Variants in ZFHX3 observed in about 807,000 individuals in gnomAD.
The protein encoded by ZFHX3 is zinc finger homeobox protein 3.
In ZFHX3, 42 loss-of-function variants were observed where a neutral mutation model predicts 279.1. The ratio of observed to expected loss-of-function variants is 0.15; its 90% CI spans 0.12 to 0.19. The LOEUF (loss-of-function observed/expected upper bound fraction) is 0.19. ZFHX3 is among the 10% of genes least tolerant of loss of function. ZFHX3 has a pLI of 1.00. For missense variants in ZFHX3, 4,981 were observed against 4,754.0 expected (o/e 1.05, Z -1.40); for synonymous variants, 2,293 against 1,957.8 (o/e 1.17, Z -4.52).
intron 5 of ZFHX3, among the ~76,000 whole-genome samples, chr16:73,249,758 C>T (rs1323061513): frequency 1.4e-5 from 2 of 148,000 alleles, no homozygotes; most frequent in African/African-American, 2.5e-5. Context: ...ATAGTACTGA[C>T]ATATAAGTAA....
intron 2 of ZFHX3, among the ~76,000 whole-genome samples, chr16:73,457,027 A>T (rs1473982423): frequency 6.6e-6 from 1 of 152,230 alleles, no homozygotes; most frequent in Non-Finnish European, 1.5e-5. Flanking sequence ...AAGGAAATCT[A>T]CTGATTACTT....
chr16:72,900,273 G>A (rs1043377900), intron 3 of ZFHX3, among the ~76,000 whole-genome samples: 9 of 152,134 alleles, frequency 5.9e-5, no homozygotes, highest in African/African-American at 2.2e-4. Context: ...AGGGAGGAGA[G>A]TTCGGCTGAA....
At chr16:72,997,101 A>G (rs1458494700) in intron 1 of ZFHX3, among the ~76,000 whole-genome samples, 1 of 152,164 alleles carries the variant, frequency 6.6e-6, no homozygotes, top group African/African-American at 2.4e-5. Context: ...GGAAATCACA[A>G]ACAGAAATCT....
intron 2 of ZFHX3, among the ~76,000 whole-genome samples, chr16:73,510,986 C>G (rs778166254): frequency 1.3e-5 from 2 of 152,238 alleles, no homozygotes; most frequent in Admixed American, 6.5e-5. Flanking sequence ...CAGGTACAAC[C>G]AGACAGGGCT....
At chr16:73,453,128 C>T (rs1396317954) in intron 3 of ZFHX3, among the ~76,000 whole-genome samples, 1 of 146,392 alleles carries the variant, frequency 6.8e-6, no homozygotes, top group Non-Finnish European at 1.5e-5. Context: ...TTACTTATCG[C>T]TGTAACTGGC....
chr16:73,823,917 A>G (rs1567422430), intron 1 of ZFHX3, among the ~76,000 whole-genome samples: 1 of 152,204 alleles, frequency 6.6e-6, no homozygotes, highest in Non-Finnish European at 1.5e-5. Flanking sequence ...AAACATTTTT[A>G]ATGACATCTC....
chr16:73,073,361 T>C (rs1053701627), intron 8 of ZFHX3, among the ~76,000 whole-genome samples: 4 of 152,178 alleles, frequency 2.6e-5, no homozygotes, highest in African/African-American at 9.7e-5. Context: ...CGGTCATAGA[T>C]ATGTCTCTCC....
At chr16:73,863,021 A>G (rs1373030427) in intron 1 of ZFHX3, among the ~76,000 whole-genome samples, 6 of 151,654 alleles carry the variant, frequency 4.0e-5, no homozygotes, top group Non-Finnish European at 8.8e-5. Context: ...CCTGGCCAAC[A>G]TACTGAAACC....
intron 8 of ZFHX3, chr16:73,081,502 G>GCCCATCT (rs1226768709): frequency 6.6e-6 from 1 of 151,928 alleles, no homozygotes; most frequent in Non-Finnish European, 1.5e-5. Flanking sequence ...CAGGTGATCT[G>GCCCATCT]CCCATCTCGA....
intron 5 of ZFHX3, among the ~76,000 whole-genome samples, chr16:73,221,876 A>G (rs1270577823): frequency 1.3e-5 from 2 of 152,192 alleles, no homozygotes; most frequent in Non-Finnish European, 2.9e-5. Context: ...TATACTTTCC[A>G]TACCTTTAAG....
chr16:72,840,716 G>A (rs376852917), intron 4 of ZFHX3, among the ~76,000 whole-genome samples: 15 of 152,312 alleles, frequency 9.8e-5, no homozygotes, highest in African/African-American at 3.6e-4. Context: ...CTTCACCCTT[G>A]CGAAGCACAG....
chr16:72,972,886 T>C (rs991570039), intron 1 of ZFHX3, among the ~76,000 whole-genome samples: 2 of 152,200 alleles, frequency 1.3e-5, no homozygotes, highest in Non-Finnish European at 2.9e-5. Flanking sequence ...TTTCCACTTA[T>C]TCGATAAAAT....
chr16:72,906,814 C>T (rs981212951), intron 3 of ZFHX3, among the ~76,000 whole-genome samples: 1 of 152,004 alleles, frequency 6.6e-6, no homozygotes, highest in Admixed American at 6.6e-5. Flanking sequence ...TTCCCCCCCT[C>T]AAAAAACTAA....
At chr16:73,767,846 C>G (rs1408924922) in intron 1 of ZFHX3, among the ~76,000 whole-genome samples, 1 of 152,146 alleles carries the variant, frequency 6.6e-6, no homozygotes, top group Admixed American at 6.5e-5. Context: ...GTCAGAGCCC[C>G]AGCAGGAAGC....
At chr16:73,692,058 A>G (rs1355880174) in intron 1 of ZFHX3, among the ~76,000 whole-genome samples, 4 of 152,208 alleles carry the variant, frequency 2.6e-5, no homozygotes, top group African/African-American at 7.2e-5. Context: ...TTGCAGATCA[A>G]TGTCACTGCT....
At chr16:73,790,684 GC>G (rs1215888275) in intron 1 of ZFHX3, among the ~76,000 whole-genome samples, 12 of 152,340 alleles carry the variant, frequency 7.9e-5, no homozygotes, top group Admixed American at 7.2e-4. Context: ...GGTGATGGTT[GC>G]CAATCTTCAT....
At chr16:73,777,643 G>T (rs1317334890) in intron 1 of ZFHX3, among the ~76,000 whole-genome samples, 1 of 150,404 alleles carries the variant, frequency 6.6e-6, no homozygotes, top group African/African-American at 2.5e-5. Context: ...CTTTCCAACT[G>T]TATCAATGAT....
chr16:72,895,326 C>T (rs981016987), intron 3 of ZFHX3, among the ~76,000 whole-genome samples: 2 of 152,184 alleles, frequency 1.3e-5, no homozygotes, highest in Non-Finnish European at 2.9e-5. Context: ...TCCTAGCTAA[C>T]TCAAGAAAAT....
intron 1 of ZFHX3, among the ~76,000 whole-genome samples, chr16:73,034,849 C>T (rs537685585): frequency 6.6e-6 from 1 of 152,326 alleles, no homozygotes; most frequent in Middle Eastern, 3.4e-3. Flanking sequence ...TGTCACAGTT[C>T]TATCTCCTAA....
Sources: gnomAD v4.1 joint callset for allele counts (sites outside exome capture counted in the v4.1 genomes callset) on GRCh38, gnomAD v4.1.1 for gene constraint, MANE v1.5 for transcripts, NCBI Gene and HGNC (gene_info 2026-07-23, HGNC 2026-07-21) for gene names.